Variants in TRIM67 observed in about 807,000 individuals in gnomAD.
The protein encoded by TRIM67 is tripartite motif-containing protein 67.
TRIM67 carries 39 observed loss-of-function variants against 71.0 expected under a neutral mutation model. That is an observed-to-expected ratio of 0.55 (90% CI 0.43 to 0.72). The LOEUF (loss-of-function observed/expected upper bound fraction) is 0.72. TRIM67 is among the 30% of genes least tolerant of loss of function. TRIM67 has a pLI of 0.00. For missense variants in TRIM67, 973 were observed against 1,079.2 expected (o/e 0.90, Z 1.38); for synonymous variants, 481 against 473.9 (o/e 1.01, Z -0.19).
Position 231,162,733 on chromosome 1 carries a change from C to T in TRIM67, c.-237C>T. 2 of 544,558 alleles carry T rather than the reference C, an allele frequency of 3.7e-6. No homozygotes were observed. The highest frequency in any genetic ancestry group is 3.5e-5 in the East Asian group (1 of 28,514). 33.7% of individuals were successfully genotyped at this position (544,558 alleles called of 1,614,324 possible). A position where few individuals can be genotyped will look rare whatever the true frequency, so the allele number is the denominator to read the frequency against. On this transcript the variant is annotated 5_prime_UTR_variant, in exon 1 of 10. Transcript: ENST00000366653. ...TGGCCGCAGGTTGAAGCCGCTGGTG[C>T]GGGACCCTCGGGCAGGAGGTGAGGA...
chr1:231,206,838 C>T (rs757404088), intron 7 of TRIM67, 48 bp downstream of exon 7: 2 of 1,517,730 alleles, frequency 1.3e-6, no homozygotes, highest in Non-Finnish European at 1.8e-6. Flanking sequence ...ATCATTTTAT[C>T]CAGTGACAAC....
Position 231,217,026 on chromosome 1 carries a change from C to T in TRIM67, c.*1586C>T. 1 of 985,898 alleles carries T rather than the reference C, an allele frequency of 1.0e-6. No homozygotes were observed. Among genetic ancestry groups the T allele is most frequent in the Non-Finnish European group, 1.2e-6 (1 of 829,952 alleles). 61.1% of individuals were successfully genotyped at this position (985,898 alleles called of 1,614,324 possible). On this transcript the variant is annotated 3_prime_UTR_variant, in exon 10 of 10. Transcript: ENST00000366653. Reference sequence around the variant, plus strand: ...ATAAAATTCGCCCATTCACCAGCACCAACTGTGCGTCCTTGGTTCTGCCTT... The same window carrying T: ...ATAAAATTCGCCCATTCACCAGCACTAACTGTGCGTCCTTGGTTCTGCCTT...
intron 8 of TRIM67, among the ~76,000 whole-genome samples, chr1:231,212,619 AG>A (rs1683905370): frequency 6.6e-6 from 1 of 152,138 alleles, no homozygotes; most frequent in Non-Finnish European, 1.5e-5. Context: ...GCTATTCGGG[AG>A]GCTGAGGTGG....
chr1:231,163,901 A>G lies in TRIM67; in HGVS notation c.932A>G (p.Tyr311Cys). Reference protein sequence around the residue: ...PTCPEHEMENYSMYCVSCRTP... With the variant: ...PTCPEHEMENCSMYCVSCRTP... Reference sequence around the variant, plus strand: ...TGTCCCGAGCATGAAATGGAGAACTACAGCATGTACTGCGTGAGCTGTCGA... The same window carrying G: ...TGTCCCGAGCATGAAATGGAGAACTGCAGCATGTACTGCGTGAGCTGTCGA... Residue 311 changes from tyrosine (Y) to cysteine (C), a missense_variant, in exon 1 of 10, where the codon TAC (tyrosine) becomes TGC (cysteine). Physicochemically the swap from Tyr to Cys is radical, Grantham distance 194. This residue lies in a region of TRIM67 where 795 missense variants were observed against 831.3 expected (regional missense o/e 0.96). Transcript: ENST00000366653. The G allele has an allele frequency of 6.3e-7, 1 of 1,586,316 alleles. No homozygotes were observed. Among genetic ancestry groups the G allele is most frequent in the African/African-American group, 1.3e-5 (1 of 74,502 alleles).
chr1:231,218,340 A>C lies in TRIM67; in HGVS notation c.*2900A>C. 1 of 986,352 alleles carries C rather than the reference A, an allele frequency of 1.0e-6. No individual in the cohort carries two copies. 61.1% of individuals were successfully genotyped at this position (986,352 alleles called of 1,614,324 possible). A position where few individuals can be genotyped will look rare whatever the true frequency, so the allele number is the denominator to read the frequency against. ...CTGAGGAGTAACTTGGTGTAAATCTATCAAGCAGTTTCAGTGAAAAAGGAA... is the reference window on the plus strand; with the variant it reads ...CTGAGGAGTAACTTGGTGTAAATCTCTCAAGCAGTTTCAGTGAAAAAGGAA... On this transcript the variant is annotated 3_prime_UTR_variant, in exon 10 of 10. Transcript: ENST00000366653.
rs1460546053 is a variant in TRIM67, at chr1:231,206,802, G to A, written c.1819+12G>A. The A allele has an allele frequency of 6.3e-7, 1 of 1,581,164 alleles. No homozygotes were observed. Among genetic ancestry groups the A allele is most frequent in the Non-Finnish European group, 8.6e-7 (1 of 1,164,504 alleles). ...GCAGACATCCGATGGTGAGCATCGGGATCTCTTAGTGGGAAGAACAGATTC... is the reference window on the plus strand; with the variant it reads ...GCAGACATCCGATGGTGAGCATCGGAATCTCTTAGTGGGAAGAACAGATTC... On this transcript the variant is annotated intron_variant, in intron 7 of 9. Transcript: ENST00000366653.
chr1:231,212,243 T>C (rs978218907), intron 8 of TRIM67, among the ~76,000 whole-genome samples: 2 of 152,102 alleles, frequency 1.3e-5, no homozygotes, highest in Non-Finnish European at 2.9e-5. Flanking sequence ...AGGTGCAAGG[T>C]TCTAAATCTT....
At chr1:231,197,344 CT>C in intron 1 of TRIM67, 26 bp from the exon 2 acceptor site, 1 of 1,605,260 alleles carries the variant, frequency 6.2e-7, no homozygotes. Flanking sequence ...ACTAATTTTT[CT>C]TTTCAACATG....
chr1:231,184,624 G>C (rs1336545119), intron 1 of TRIM67: 2 of 217,174 alleles, frequency 9.2e-6, no homozygotes, highest in African/African-American at 4.7e-5. Flanking sequence ...GCTGTGCTCA[G>C]TGGAGAAAAG....
intron 7 of TRIM67, among the ~76,000 whole-genome samples, chr1:231,207,079 A>C (rs557789515): frequency 1.6e-4 from 24 of 152,164 alleles, no homozygotes; most frequent in Non-Finnish European, 2.6e-4. Context: ...GTTGAGGTGC[A>C]TACGCCTCAC....
intron 1 of TRIM67, among the ~76,000 whole-genome samples, chr1:231,175,968 G>A (rs936548128): frequency 5.3e-5 from 8 of 152,202 alleles, no homozygotes; most frequent in Non-Finnish European, 8.8e-5. Context: ...ATTGTCATCT[G>A]TCAGGCTTCT....
rs1684086381 is a variant in TRIM67 at position 231,219,283 on chromosome 1, A to G, written c.*3843A>G. 2.0e-6 allele frequency: 2 copies of G among 980,366 alleles called. No individual in the cohort carries two copies. The highest frequency in any genetic ancestry group is 2.4e-6 in the Non-Finnish European group (2 of 825,256). The allele number at this position is 980,366 out of a possible 1,614,324, so 60.7% of individuals were successfully genotyped here. A position where few individuals can be genotyped will look rare whatever the true frequency, so the allele number is the denominator to read the frequency against. ...CATCATCTGCCAGTAGCAACCCCCA[A>G]GTTAGGTGTGACAACCAAAAGTATC... On this transcript the variant is annotated 3_prime_UTR_variant, in exon 10 of 10. Transcript: ENST00000366653.
In TRIM67 at chr1:231,163,940, A is replaced by C; in HGVS notation, c.971A>C (p.Tyr324Ser). The change falls in exon 1 of 10, where the codon TAT becomes TCT. Residue 324 changes from tyrosine (Y) to serine (S), a missense_variant. Transcript: ENST00000366653. Reference sequence around the variant, plus strand: ...GTGAGCTGTCGAACCCCGGTGTGTTATCTGTGCCTGGAGGAGGGCCGGCAC... The same window carrying C: ...GTGAGCTGTCGAACCCCGGTGTGTTCTCTGTGCCTGGAGGAGGGCCGGCAC... ...YCVSCRTPVC[Y>S]LCLEEGRHAK... 2 of 1,585,280 alleles carry C rather than the reference A, an allele frequency of 1.3e-6. No individual in the cohort carries two copies. The highest frequency in any genetic ancestry group is 2.3e-5 in the South Asian group (2 of 86,118).
In TRIM67 at chr1:231,193,503, G is replaced by GCTCTCTCTCTCTCTCTCT. The variant is rs3049035; in HGVS notation, c.1045-3838_1045-3821dup. Among the ~76,000 whole-genome samples, 602 of 81,966 alleles carry GCTCTCTCTCTCTCTCTCT rather than the reference G, an allele frequency of 7.3e-3. 64 individuals carry two copies. Among genetic ancestry groups the GCTCTCTCTCTCTCTCTCT allele is most frequent in the African/African-American group, 0.01 (229 of 21,958 alleles). The allele number at this position is 81,966 out of a possible 152,430, so 53.8% of individuals were successfully genotyped here. ...AAGAGACACCTGAACTCTCTCTCAA[G>GCTCTCTCTCTCTCTCTCT]CTCTCTCTCTCTCTCTCTCTCTCTC... On this transcript the variant is annotated intron_variant, in intron 1 of 9. Transcript: ENST00000366653.
Position 231,163,404 on chromosome 1 carries a change from C to G in TRIM67, c.435C>G (p.Ala145=), listed in dbSNP as rs1238086694. The change falls in exon 1 of 10, where the codon GCC becomes GCG. Residue 145 remains alanine (A), a synonymous_variant. Transcript: ENST00000366653. ...PGSSAAAARG[A]ACSSLSSSSS... is the part of the protein sequence containing the mutation. ...CCTCGGCTGCGGCGGCTCGGGGTGC[C>G]GCCTGCTCCTCGCTGTCCTCGTCTT... 12 of 1,537,150 alleles carry G rather than the reference C, an allele frequency of 7.8e-6. No individual in the cohort carries two copies. Among genetic ancestry groups the G allele is most frequent in the East Asian group, 2.5e-5 (1 of 39,820 alleles).
intron 7 of TRIM67, among the ~76,000 whole-genome samples, chr1:231,207,835 G>A (rs549542560): frequency 1.3e-5 from 2 of 152,226 alleles, no homozygotes; most frequent in African/African-American, 4.8e-5. Flanking sequence ...CATGACTTTA[G>A]AGTAAGGGAC....
rs555344883 is a variant in TRIM67, at chr1:231,214,085, G to A, written c.2286+108G>A. 6.1e-6 allele frequency: 8 copies of A among 1,317,388 alleles called. No homozygotes were observed. In the African/African-American group the frequency reaches 1.0e-4, roughly 17 times the overall value. The allele number at this position is 1,317,388 out of a possible 1,614,324, so 81.6% of individuals were successfully genotyped here. On this transcript the variant is annotated intron_variant, in intron 9 of 9. Coordinates refer to ENST00000366653, the MANE Select transcript of TRIM67 (RefSeq NM_001004342.5). Reference sequence around the variant, plus strand: ...GGGCCATAAAGAAGCTGACCACAGAGCCTTCCCAGACAGAGCTTATCAACT... The same window carrying A: ...GGGCCATAAAGAAGCTGACCACAGAACCTTCCCAGACAGAGCTTATCAACT...
chr1:231,203,645 C>A (rs1186266007), intron 5 of TRIM67, among the ~76,000 whole-genome samples: 2 of 152,326 alleles, frequency 1.3e-5, no homozygotes, highest in East Asian at 3.9e-4. Flanking sequence ...GGAAGGACAA[C>A]CCCTAGGTTT....
At chr1:231,188,544 C>T (rs369133875) in intron 1 of TRIM67, among the ~76,000 whole-genome samples, 2 of 152,304 alleles carry the variant, frequency 1.3e-5, no homozygotes, top group African/African-American at 4.8e-5. Flanking sequence ...GTTTTGTCCT[C>T]CTTCCACGTT....
Sources: gnomAD v4.1 joint callset for allele counts (sites outside exome capture counted in the v4.1 genomes callset) on GRCh38, gnomAD v4.1.1 for gene constraint, gnomAD v4.1.1 regional missense constraint, MANE v1.5 for transcripts, NCBI Gene and HGNC (gene_info 2026-07-23, HGNC 2026-07-21) for gene names.